UST: variants seen among roughly 807,000 people sequenced by gnomAD.
UST encodes uronyl 2-sulfotransferase, also known as chondroitin sulfate 2-O-sulfotransferase.
In UST, 21 loss-of-function variants were observed where a neutral mutation model predicts 45.6. The ratio of observed to expected loss-of-function variants is 0.46; its 90% CI spans 0.33 to 0.66. The LOEUF (loss-of-function observed/expected upper bound fraction) is 0.66. UST is among the 30% of genes least tolerant of loss of function. The pLI is 0.02. For missense variants in UST, 463 were observed against 512.4 expected (o/e 0.90, Z 0.93); for synonymous variants, 215 against 200.6 (o/e 1.07, Z -0.61).
intron 1 of UST, among the ~76,000 whole-genome samples, chr6:148,787,289 C>T (rs1226662106): frequency 6.6e-6 from 1 of 152,128 alleles, no homozygotes; most frequent in Non-Finnish European, 1.5e-5. Context: ...ATGACGTTGC[C>T]TAGGTTTTAT....
chr6:149,048,308 C>T (rs1040723332), intron 7 of UST, among the ~76,000 whole-genome samples: 4 of 151,660 alleles, frequency 2.6e-5, no homozygotes, highest in Non-Finnish European at 4.4e-5. Context: ...TTTAGGAGGC[C>T]GAGGCAAGTG....
At chr6:148,832,336 T>G (rs1777704628) in intron 1 of UST, among the ~76,000 whole-genome samples, 1 of 152,230 alleles carries the variant, frequency 6.6e-6, no homozygotes, top group Non-Finnish European at 1.5e-5. Flanking sequence ...TGTGAGATCT[T>G]TATTGAAATC....
intron 5 of UST, among the ~76,000 whole-genome samples, chr6:148,984,182 T>C (rs1162112277): frequency 2.6e-5 from 4 of 152,272 alleles, no homozygotes; most frequent in African/African-American, 9.6e-5. Flanking sequence ...GCACAGCACC[T>C]ACTCTGTAGC....
intron 2 of UST, among the ~76,000 whole-genome samples, chr6:148,911,468 G>A (rs1397947120): frequency 6.6e-6 from 1 of 152,194 alleles, no homozygotes; most frequent in Non-Finnish European, 1.5e-5. Context: ...CCTGTTGACT[G>A]ACGGAACCTT....
intron 5 of UST, among the ~76,000 whole-genome samples, chr6:149,012,943 G>A (rs1751938491): frequency 6.6e-6 from 1 of 152,152 alleles, no homozygotes; most frequent in Non-Finnish European, 1.5e-5. Context: ...AAAGTAACTG[G>A]TATAAATGAT....
chr6:148,922,511 C>T (rs1354043242), intron 2 of UST, among the ~76,000 whole-genome samples: 16 of 133,980 alleles, frequency 1.2e-4, no homozygotes, highest in African/African-American at 4.1e-4. Context: ...TTTTTTGAGT[C>T]GGAGTCTCGC....
At chr6:149,017,301 C>T (rs929451504) in intron 5 of UST, among the ~76,000 whole-genome samples, 8 of 151,352 alleles carry the variant, frequency 5.3e-5, no homozygotes, top group South Asian at 2.1e-4. Flanking sequence ...GGCGTGAACC[C>T]GGGAGGTGGA....
chr6:148,748,734 C>A lies in UST; in HGVS notation c.247+1057C>A, dbSNP rs770328334. Among the ~76,000 whole-genome samples the A allele has an allele frequency of 6.6e-6, 1 of 151,934 alleles. No individual in the cohort carries two copies. The highest frequency in any genetic ancestry group is 1.5e-5 in the Non-Finnish European group (1 of 67,990). ...AGAGCTCCAGCTTCTTGCAAGCATC[C>A]GAAGTGATAAGCCTGAGCATCTGCA... On this transcript the variant is annotated intron_variant, in intron 1 of 7. Coordinates refer to ENST00000367463, the MANE Select transcript of UST (RefSeq NM_005715.3). This position sits in a 1 kb window ranked among gnomAD's most constrained non-coding sequence, Gnocchi z 5.3.
intron 7 of UST, among the ~76,000 whole-genome samples, chr6:149,034,834 T>TTC (rs60813679): frequency 1.0e-3 from 47 of 45,742 alleles, no homozygotes; most frequent in Non-Finnish European, 1.6e-3. Flanking sequence ...TTCATGCTCA[T>TTC]TCTCTCTCTC....
chr6:149,068,275 A>G (rs1562345250), intron 7 of UST, among the ~76,000 whole-genome samples: 1 of 152,184 alleles, frequency 6.6e-6, no homozygotes, highest in Non-Finnish European at 1.5e-5. Context: ...GCAAAAGCAC[A>G]GCAGCTGATT....
chr6:148,835,911 G>A (rs915867991), intron 1 of UST, among the ~76,000 whole-genome samples: 1 of 152,144 alleles, frequency 6.6e-6, no homozygotes, highest in Non-Finnish European at 1.5e-5. Context: ...ATGGGTATGT[G>A]TTTTCCTCTA....
At position 148,748,417 on chromosome 6, in the gene UST, G is replaced by C. The variant is rs1051156203; in HGVS notation, c.247+740G>C. On this transcript the variant is annotated intron_variant, in intron 1 of 7. Transcript: ENST00000367463. The surrounding 1 kb of genome is among the most constrained non-coding windows in gnomAD (Gnocchi z 5.3). ...TCAAAACTTGTGTGTGTGTGTGTGT[G>C]TGTGTGTGTGTGTGTGTGTGTGTGT... 1.1e-3 allele frequency among the ~76,000 whole-genome samples: 129 copies of C among 115,700 alleles called. 2 individuals are homozygous for C. Among genetic ancestry groups the C allele is most frequent in the African/African-American group, 3.5e-3 (125 of 35,538 alleles). 75.9% of individuals were successfully genotyped at this position (115,700 alleles called of 152,430 possible).
chr6:148,944,319 C>T (rs1299832848), intron 3 of UST, among the ~76,000 whole-genome samples: 5 of 152,052 alleles, frequency 3.3e-5, no homozygotes, highest in Admixed American at 6.6e-5. Context: ...CTTTATCCAC[C>T]GTGTAGAGAA....
chr6:149,002,333 A>T (rs995763320), intron 5 of UST, among the ~76,000 whole-genome samples: 7 of 152,206 alleles, frequency 4.6e-5, no homozygotes, highest in Non-Finnish European at 7.3e-5. Context: ...GAAATTAAGT[A>T]TTTTAATCTC....
intron 1 of UST, among the ~76,000 whole-genome samples, chr6:148,841,586 T>G (rs71568259): frequency 0.26 from 28,781 of 111,332 alleles, 3,401 homozygotes; most frequent in Admixed American, 0.37. Flanking sequence ...GTTTTGTTTT[T>G]GTTTTTTTTT....
Position 148,936,911 on chromosome 6 carries a change from T to G in UST, c.292-4368T>G, listed in dbSNP as rs1582908786. Among the ~76,000 whole-genome samples the G allele has an allele frequency of 7.2e-5, 11 of 152,202 alleles. No individual in the cohort carries two copies. The South Asian group carries it at 2.3e-3, about 32-fold the overall frequency. On this transcript the variant is annotated intron_variant, in intron 2 of 7. Coordinates refer to ENST00000367463, the MANE Select transcript of UST (RefSeq NM_005715.3). Reference sequence around the variant, plus strand: ...TGTTTCACCGTGTTGGCCAGGCTGGTCTCGAACTCCTGACCTCAGGTGATC... The same window carrying G: ...TGTTTCACCGTGTTGGCCAGGCTGGGCTCGAACTCCTGACCTCAGGTGATC...
intron 1 of UST, among the ~76,000 whole-genome samples, chr6:148,759,822 T>C: frequency 8.7e-6 from 1 of 114,798 alleles, no homozygotes; most frequent in South Asian, 3.0e-4. Context: ...TACTCCAGCC[T>C]GGGCGACAGA....
intron 1 of UST, among the ~76,000 whole-genome samples, chr6:148,832,408 T>C (rs1034681496): frequency 6.6e-6 from 1 of 152,192 alleles, no homozygotes; most frequent in African/African-American, 2.4e-5. Context: ...TTGAAAAAAC[T>C]ATCAACTGAA....
intron 7 of UST, among the ~76,000 whole-genome samples, chr6:149,070,702 T>C (rs1776807033): frequency 1.3e-5 from 2 of 151,094 alleles, no homozygotes; most frequent in African/African-American, 4.9e-5. Context: ...GAATGGGGTA[T>C]CCATCCCCTC....
Sources: allele counts gnomAD v4.1 joint callset (sites outside exome capture counted in the v4.1 genomes callset), GRCh38; gene constraint gnomAD v4.1.1; non-coding constraint Gnocchi (gnomAD v3.1); transcripts MANE v1.5; gene names NCBI Gene and HGNC (gene_info 2026-07-23, HGNC 2026-07-21).